Variants in SLA observed in about 807,000 individuals in gnomAD.
The protein encoded by SLA is Src like adaptor.
SLA carries 16 observed loss-of-function variants against 30.3 expected under a neutral mutation model. The ratio of observed to expected loss-of-function variants is 0.53; its 90% CI spans 0.36 to 0.80. The LOEUF (loss-of-function observed/expected upper bound fraction) is 0.80. Ranked by LOEUF, SLA falls within the 30% of genes least tolerant of loss-of-function variation. The pLI is 0.01. For synonymous variants in SLA, 143 were observed against 137.8 expected (o/e 1.04, Z -0.26); for missense variants, 310 against 345.2 (o/e 0.90, Z 0.81).
chr8:133,077,850 T>G (rs545158596), intron 1 of SLA, among the ~76,000 whole-genome samples: 3 of 151,758 alleles, frequency 2.0e-5, no homozygotes, highest in African/African-American at 4.8e-5. Flanking sequence ...CCTGACCCCC[T>G]AGACAGCAGG....
intron 6 of SLA, 160 bp downstream of exon 6, chr8:133,047,670 T>A: frequency 1.6e-6 from 1 of 641,844 alleles, no homozygotes; most frequent in Non-Finnish European, 2.9e-6. Flanking sequence ...GCTTCCCCAC[T>A]GGCCTCCCCA....
chr8:133,098,074 G>A (rs767598482), intron 1 of SLA, among the ~76,000 whole-genome samples: 3 of 152,042 alleles, frequency 2.0e-5, no homozygotes, highest in Non-Finnish European at 4.4e-5. Flanking sequence ...CATTTTTTCT[G>A]CCAAGCACTC....
At chr8:133,048,508 A>G (rs1014885826) in intron 5 of SLA, 2 of 155,498 alleles carry the variant, frequency 1.3e-5, no homozygotes, top group African/African-American at 4.8e-5. Context: ...GGCGTGAGCT[A>G]CCGTGCTCAG....
chr8:133,095,915 G>A (rs1848335165), intron 1 of SLA, among the ~76,000 whole-genome samples: 1 of 152,168 alleles, frequency 6.6e-6, no homozygotes, highest in South Asian at 2.1e-4. Flanking sequence ...GTCTCCTCCT[G>A]CCTTCCTCAC....
chr8:133,064,552 T>C (rs1842807785), intron 2 of SLA, among the ~76,000 whole-genome samples: 1 of 152,236 alleles, frequency 6.6e-6, no homozygotes, highest in African/African-American at 2.4e-5. Context: ...ACACTTTTTG[T>C]TCAGGACCAT....
At chr8:133,090,812 A>C (rs1206981395) in intron 1 of SLA, among the ~76,000 whole-genome samples, 1 of 152,170 alleles carries the variant, frequency 6.6e-6, no homozygotes, top group Non-Finnish European at 1.5e-5. Flanking sequence ...GCTGGAATTA[A>C]AACCCCAGTC....
intron 2 of SLA, among the ~76,000 whole-genome samples, chr8:133,069,494 T>G (rs535727154): frequency 4.2e-4 from 63 of 151,148 alleles, no homozygotes; most frequent in African/African-American, 1.5e-3. Context: ...ATTAATGTGC[T>G]CCTCCTTAGC....
chr8:133,079,777 G>C (rs1431611419), intron 1 of SLA, among the ~76,000 whole-genome samples: 2 of 152,158 alleles, frequency 1.3e-5, no homozygotes, highest in Non-Finnish European at 2.9e-5. Flanking sequence ...AGAAAACCAA[G>C]TGTAAGCTAA....
chr8:133,061,618 T>C (rs1842377943), intron 2 of SLA, among the ~76,000 whole-genome samples: 1 of 152,180 alleles, frequency 6.6e-6, no homozygotes, highest in African/African-American at 2.4e-5. Context: ...CTGCCTGCTT[T>C]GTGGGGTCAA....
At chr8:133,053,093 C>T (rs1388086651) in intron 3 of SLA, among the ~76,000 whole-genome samples, 1 of 152,230 alleles carries the variant, frequency 6.6e-6, no homozygotes, top group Non-Finnish European at 1.5e-5. Context: ...GCTGTTCCCT[C>T]TGCCTGGAAC....
intron 2 of SLA, among the ~76,000 whole-genome samples, chr8:133,063,136 A>T (rs531302752): frequency 6.6e-6 from 1 of 151,820 alleles, no homozygotes; most frequent in Admixed American, 6.5e-5. Context: ...GTGTCCCCAG[A>T]CACAGCAAAC....
chr8:133,102,484 C>G (rs575867795), intron 1 of SLA, 69 bp downstream of exon 1: 6 of 1,428,344 alleles, frequency 4.2e-6, no homozygotes, highest in Middle Eastern at 1.8e-4. Flanking sequence ...AGACCCTCCC[C>G]CACATACCAC....
chr8:133,093,033 C>G (rs1847811803), intron 1 of SLA, among the ~76,000 whole-genome samples: 1 of 152,152 alleles, frequency 6.6e-6, no homozygotes, highest in African/African-American at 2.4e-5. Flanking sequence ...TTCACATCTC[C>G]TCTCTGCCTG....
rs1283256400 is a variant in SLA at position 133,084,699 on chromosome 8, A to G, written c.-318-9569T>C. ...AACTAAAGAGACAAAGCCAAGGCTC[A>G]GGTCCTCTCCATTTCCCAGCAGAAG... On this transcript the variant is annotated intron_variant, in intron 1 of 8. Transcript: ENST00000338087. 2.0e-5 allele frequency among the ~76,000 whole-genome samples: 3 copies of G among 152,258 alleles called. No individual in the cohort carries two copies. In the East Asian group the frequency reaches 5.8e-4, roughly 29 times the overall value.
intron 2 of SLA, among the ~76,000 whole-genome samples, chr8:133,067,750 C>A (rs1468936771): frequency 1.3e-5 from 2 of 150,750 alleles, no homozygotes; most frequent in African/African-American, 4.9e-5. Flanking sequence ...CACATTCCAG[C>A]CTGAGTGACA....
intron 1 of SLA, among the ~76,000 whole-genome samples, chr8:133,077,805 C>CTG (rs1194899092): frequency 2.6e-5 from 4 of 151,562 alleles, no homozygotes; most frequent in Admixed American, 2.6e-4. Flanking sequence ...CAGGGCTGAC[C>CTG]TGTGCATTGG....
At chr8:133,087,809 G>T (rs1362631745) in intron 1 of SLA, 1 of 152,162 alleles carries the variant, frequency 6.6e-6, no homozygotes, top group Non-Finnish European at 1.5e-5. Flanking sequence ...CCTGGGACTG[G>T]ATGCCTGTGA....
intron 2 of SLA, among the ~76,000 whole-genome samples, chr8:133,072,688 A>G (rs1198232652): frequency 2.0e-5 from 3 of 152,242 alleles, no homozygotes; most frequent in Non-Finnish European, 4.4e-5. Context: ...ACTAGAATGA[A>G]TAATTTCTGT....
chr8:133,079,950 T>C (rs904381738), intron 1 of SLA, among the ~76,000 whole-genome samples: 2 of 151,886 alleles, frequency 1.3e-5, no homozygotes, highest in Non-Finnish European at 2.9e-5. Context: ...TATGGCTAGA[T>C]GAGTGCTGAC....
Sources: gnomAD v4.1 joint callset for allele counts (sites outside exome capture counted in the v4.1 genomes callset) on GRCh38, gnomAD v4.1.1 for gene constraint, MANE v1.5 for transcripts, NCBI Gene and HGNC (gene_info 2026-07-23, HGNC 2026-07-21) for gene names.